The following PIK3AP1 variants were observed in gnomAD, a reference collection of about 807,000 sequenced individuals.
The protein encoded by PIK3AP1 is phosphoinositide 3-kinase adapter protein 1.
Under a neutral mutation model 88.1 loss-of-function variants are expected in PIK3AP1, and 21 were observed. The ratio of observed to expected loss-of-function variants is 0.24; its 90% CI spans 0.17 to 0.34. PIK3AP1 has a LOEUF of 0.34. PIK3AP1 is among the 10% of genes least tolerant of loss of function. The pLI is 1.00. For missense variants in PIK3AP1, 828 were observed against 1,035.7 expected (o/e 0.80, Z 2.75); for synonymous variants, 398 against 400.0 (o/e 1.00, Z 0.06).
At position 96,607,185 on chromosome 10, in the gene PIK3AP1, C is replaced by T. The variant is rs527493523; in HGVS notation, c.2170+2527G>A. Among the ~76,000 whole-genome samples, 7 of 152,234 alleles carry T rather than the reference C, an allele frequency of 4.6e-5. No homozygotes were observed. The East Asian group carries it at 1.4e-3, about 29-fold the overall frequency. On this transcript the variant is annotated intron_variant, in intron 14 of 16. Transcript: ENST00000339364. ...GGGGCAGTTGGTGGATAAGCTGGGC[C>T]ATCCTCACTCTCCCTCTCTGCCATG...
In PIK3AP1 at chr10:96,713,339, T is replaced by G. The variant is rs369871167; in HGVS notation, c.14-3356A>C. Among the ~76,000 whole-genome samples, 112 of 136,216 alleles carry G rather than the reference T, an allele frequency of 8.2e-4. 4 individuals are homozygous for G. The East Asian group carries it at 0.02, about 24-fold the overall frequency. The allele number at this position is 136,216 out of a possible 152,430, so 89.4% of individuals were successfully genotyped here. A position where few individuals can be genotyped will look rare whatever the true frequency, so the allele number is the denominator to read the frequency against. On this transcript the variant is annotated intron_variant, in intron 1 of 16. Coordinates refer to ENST00000339364, the MANE Select transcript of PIK3AP1 (RefSeq NM_152309.3). ...GGTGAAACCCCGTCTCTATTAAAAA[T>G]ACAAAAAAAAAAAAATTAGCCGGGT...
intron 8 of PIK3AP1, among the ~76,000 whole-genome samples, chr10:96,635,981 G>A (rs978060229): frequency 1.3e-5 from 2 of 152,104 alleles, no homozygotes; most frequent in Non-Finnish European, 2.9e-5. Flanking sequence ...GCCGAGGGGG[G>A]TGGATCATGA....
intron 2 of PIK3AP1, among the ~76,000 whole-genome samples, chr10:96,708,137 A>G (rs958803172): frequency 4.6e-5 from 7 of 152,218 alleles, no homozygotes; most frequent in Admixed American, 1.3e-4. Context: ...CCCAAGTCAC[A>G]CCAGGGATAA....
Position 96,626,882 on chromosome 10 carries a change from G to A in PIK3AP1, c.1495C>T (p.Leu499=), listed in dbSNP as rs199720844. The change falls in exon 10 of 17, where the codon CTG becomes TTG. Residue 499 remains leucine, a synonymous_variant. Coordinates refer to ENST00000339364, the MANE Select transcript of PIK3AP1 (RefSeq NM_152309.3). ...LEGNSMGMTN[L]ERDQCHLGQE... ...CCAAGATGGCACTGATCTCTCTCCA[G>A]ATTGGTCATTCCCATGCTGTTGCCT... The A allele has an allele frequency of 7.1e-5, 114 of 1,614,152 alleles. 1 individual carries two copies. In the African/African-American group the frequency reaches 1.3e-3, roughly 18 times the overall value.
chr10:96,678,215 T>G (rs1283888939), intron 2 of PIK3AP1, among the ~76,000 whole-genome samples: 4 of 152,050 alleles, frequency 2.6e-5, no homozygotes, highest in Non-Finnish European at 5.9e-5. Flanking sequence ...GGGCAGATCA[T>G]CTGAGGTCAG....
At chr10:96,609,423 T>C (rs949866666) in intron 14 of PIK3AP1, among the ~76,000 whole-genome samples, 5 of 152,254 alleles carry the variant, frequency 3.3e-5, no homozygotes, top group Admixed American at 6.5e-5. Context: ...AGATAATCTA[T>C]AAAGAGGCTT....
chr10:96,615,743 G>T (rs1335256396), intron 13 of PIK3AP1, among the ~76,000 whole-genome samples: 1 of 152,186 alleles, frequency 6.6e-6, no homozygotes, highest in African/African-American at 2.4e-5. Context: ...TGAGAAAGAA[G>T]AGGCATGGCA....
At chr10:96,616,473 A>G (rs1849216668) in intron 13 of PIK3AP1, among the ~76,000 whole-genome samples, 166 bp downstream of exon 13, 1 of 152,214 alleles carries the variant, frequency 6.6e-6, no homozygotes. Flanking sequence ...AGATATAACC[A>G]TTGTCCAAAA....
intron 16 of PIK3AP1, among the ~76,000 whole-genome samples, chr10:96,595,959 C>T (rs1226595950): frequency 1.3e-5 from 2 of 152,216 alleles, no homozygotes; most frequent in African/African-American, 4.8e-5. Flanking sequence ...CCTCACCAAT[C>T]CTTTCATTAT....
intron 3 of PIK3AP1, among the ~76,000 whole-genome samples, chr10:96,653,906 G>A (rs577381003): frequency 5.3e-5 from 8 of 152,226 alleles, no homozygotes; most frequent in African/African-American, 7.2e-5. Context: ...CAGATAGCTT[G>A]AGAAGCCCTG....
intron 14 of PIK3AP1, among the ~76,000 whole-genome samples, chr10:96,605,016 C>T (rs551175051): frequency 1.3e-5 from 2 of 152,242 alleles, no homozygotes; most frequent in Admixed American, 6.5e-5. Context: ...CGTGCCACCA[C>T]GCCTGGCTAA....
intron 2 of PIK3AP1, among the ~76,000 whole-genome samples, chr10:96,660,457 G>A (rs1564974463): frequency 6.6e-6 from 1 of 152,160 alleles, no homozygotes; most frequent in Non-Finnish European, 1.5e-5. Flanking sequence ...ATGGGCAGAA[G>A]CGAGAACACT....
At chr10:96,710,380 C>T (rs1194259736) in intron 1 of PIK3AP1, among the ~76,000 whole-genome samples, 1 of 152,134 alleles carries the variant, frequency 6.6e-6, no homozygotes, top group African/African-American at 2.4e-5. Flanking sequence ...TGCCATCACG[C>T]CAAGCTAATT....
In PIK3AP1 at chr10:96,720,432, G is replaced by T; in HGVS notation, c.-38C>A. On this transcript the variant is annotated 5_prime_UTR_variant, in exon 1 of 17. Coordinates refer to ENST00000339364, the MANE Select transcript of PIK3AP1 (RefSeq NM_152309.3). This position sits in a 1 kb window ranked among gnomAD's most constrained non-coding sequence, Gnocchi z 4.6. ...CGCTCACATCCCTGGCTCGCTGCGT[G>T]CCCGGGGCCGGGACCGGGGCCGGCG... 1 of 1,230,148 alleles carries T rather than the reference G, an allele frequency of 8.1e-7. No individual in the cohort carries two copies. The allele number at this position is 1,230,148 out of a possible 1,614,324, so 76.2% of individuals were successfully genotyped here. A position where few individuals can be genotyped will look rare whatever the true frequency, so the allele number is the denominator to read the frequency against.
At chr10:96,638,455 GAC>G (rs748604466) in intron 8 of PIK3AP1, among the ~76,000 whole-genome samples, 5 of 104,400 alleles carry the variant, frequency 4.8e-5, no homozygotes, top group African/African-American at 1.9e-4. Context: ...CACACACACA[GAC>G]ACACACACAC....
intron 2 of PIK3AP1, among the ~76,000 whole-genome samples, chr10:96,703,993 A>C (rs1844331139): frequency 6.6e-6 from 1 of 152,234 alleles, no homozygotes; most frequent in Non-Finnish European, 1.5e-5. Flanking sequence ...GGTGGGAAAT[A>C]AAACCTCCAA....
At chr10:96,608,447 T>C (rs1192369494) in intron 14 of PIK3AP1, among the ~76,000 whole-genome samples, 1 of 152,222 alleles carries the variant, frequency 6.6e-6, no homozygotes, top group East Asian at 1.9e-4. Context: ...CAGACTAGAC[T>C]TCCCAGGCAG....
intron 8 of PIK3AP1, among the ~76,000 whole-genome samples, chr10:96,638,681 A>G (rs1173036337): frequency 6.6e-6 from 1 of 152,216 alleles, no homozygotes; most frequent in Non-Finnish European, 1.5e-5. Flanking sequence ...GAGTGAGTCT[A>G]TGGGATGCAT....
chr10:96,685,009 C>G (rs1052631095), intron 2 of PIK3AP1, among the ~76,000 whole-genome samples: 1 of 152,158 alleles, frequency 6.6e-6, no homozygotes, highest in Admixed American at 6.6e-5. Context: ...CACAATCTCC[C>G]CAACACAGCC....
Sources: gnomAD v4.1 joint callset for allele counts (sites outside exome capture counted in the v4.1 genomes callset) on GRCh38, gnomAD v4.1.1 for gene constraint, Gnocchi (gnomAD v3.1) non-coding constraint, MANE v1.5 for transcripts, NCBI Gene and HGNC (gene_info 2026-07-23, HGNC 2026-07-21) for gene names.